The following ROBO2 variants were observed in gnomAD, a reference collection of about 807,000 sequenced individuals.
The protein encoded by ROBO2 is roundabout guidance receptor 2, also known as roundabout homolog 2.
ROBO2 carries 53 observed loss-of-function variants against 160.8 expected under a neutral mutation model. That is an observed-to-expected ratio of 0.33 (90% CI 0.26 to 0.41). ROBO2 has a LOEUF of 0.41. Ranked by LOEUF, ROBO2 falls within the 10% of genes least tolerant of loss-of-function variation. The pLI is 1.00. For missense variants in ROBO2, 1,577 were observed against 1,722.4 expected (o/e 0.92, Z 1.49); for synonymous variants, 664 against 611.7 (o/e 1.09, Z -1.26).
chr3:77,197,113 A>T (rs559089640), intron 2 of ROBO2, among the ~76,000 whole-genome samples: 2 of 152,334 alleles, frequency 1.3e-5, no homozygotes, highest in East Asian at 3.9e-4. Context: ...ATCATGAAAA[A>T]ATATTTCTGC....
chr3:75,958,901 T>C lies in ROBO2; in HGVS notation c.109+21299T>C, dbSNP rs542242840. 2.0e-5 allele frequency among the ~76,000 whole-genome samples: 3 copies of C among 151,900 alleles called. No homozygotes were observed. The South Asian group carries it at 6.2e-4, about 31-fold the overall frequency. On this transcript the variant is annotated intron_variant, in intron 2 of 26. Coordinates refer to the ROBO2 transcript ENST00000487694. The stretch of plus-strand genomic sequence containing the variant: ...CATTTTGTGATGCTTTTCCCTCTTA[T>C]AAAGTAAGGAGTATAGATGAGGTGA...
rs569402066 is a variant in ROBO2, at chr3:77,570,354, C to T, written c.1971+1920C>T. On this transcript the variant is annotated intron_variant, in intron 13 of 25. Coordinates refer to ENST00000461745, the Ensembl canonical transcript of ROBO2. Reference sequence around the variant, plus strand: ...CAGGAGGGGGACGTTGTCTATTCATCTCTGTACCCCAAGAAGCTATCATTA... The same window carrying T: ...CAGGAGGGGGACGTTGTCTATTCATTTCTGTACCCCAAGAAGCTATCATTA... 7.2e-5 allele frequency among the ~76,000 whole-genome samples: 11 copies of T among 152,072 alleles called. No individual in the cohort carries two copies. The East Asian group carries it at 2.1e-3, about 30-fold the overall frequency.
intron 2 of ROBO2, among the ~76,000 whole-genome samples, chr3:76,497,945 A>G (rs1476021499): frequency 1.3e-5 from 2 of 152,100 alleles, no homozygotes; most frequent in Non-Finnish European, 2.9e-5. Context: ...GCAATCACAT[A>G]AGCCAATGCT....
chr3:77,363,810 G>A lies in ROBO2; in HGVS notation c.389-113604G>A, dbSNP rs139562337. 3.8e-3 allele frequency among the ~76,000 whole-genome samples: 580 copies of A among 152,242 alleles called. 3 individuals are homozygous for A. Among genetic ancestry groups the A allele is most frequent in the Admixed American group, 6.3e-3 (96 of 15,286 alleles). ...GAAGTTTTATGACTTGCTGTGGGAA[G>A]AGAGGGATTCAAGTGTCTATGACCT... On this transcript the variant is annotated intron_variant, in intron 2 of 25. Transcript: ENST00000461745.
At chr3:77,330,751 T>A (rs1469623422) in intron 2 of ROBO2, among the ~76,000 whole-genome samples, 1 of 152,196 alleles carries the variant, frequency 6.6e-6, no homozygotes, top group Non-Finnish European at 1.5e-5. Context: ...GAAATGTGGG[T>A]TTTGATCTGA....
exon 14 of ROBO2, chr3:77,574,576 G>T (rs779396392): frequency 6.2e-7 from 1 of 1,613,428 alleles, no homozygotes; most frequent in South Asian, 1.1e-5. Flanking sequence ...CGACATCTTC[G>T]TGGCAGAATT....
At chr3:76,409,466 G>C (rs2075378225) in intron 2 of ROBO2, among the ~76,000 whole-genome samples, 1 of 151,904 alleles carries the variant, frequency 6.6e-6, no homozygotes, top group South Asian at 2.1e-4. Context: ...TTCCTTATCA[G>C]TTAACATATG....
chr3:77,136,035 G>A (rs886095894), intron 2 of ROBO2, among the ~76,000 whole-genome samples: 5 of 152,140 alleles, frequency 3.3e-5, no homozygotes, highest in African/African-American at 4.8e-5. Flanking sequence ...ATACAGCACA[G>A]TACATAGAGT....
At chr3:77,236,099 G>A (rs558899977) in intron 2 of ROBO2, among the ~76,000 whole-genome samples, 1 of 152,326 alleles carries the variant, frequency 6.6e-6, no homozygotes, top group African/African-American at 2.4e-5. Context: ...GCACTGTCTA[G>A]TTTTATACAT....
At chr3:76,085,006 G>A (rs567302239) in intron 2 of ROBO2, among the ~76,000 whole-genome samples, 2 of 152,102 alleles carry the variant, frequency 1.3e-5, no homozygotes, top group South Asian at 2.1e-4. Context: ...GCAACCTCAT[G>A]TAACACCTGT....
At chr3:77,029,417 T>G (rs2149543880) in intron 2 of ROBO2, among the ~76,000 whole-genome samples, 1 of 152,348 alleles carries the variant, frequency 6.6e-6, no homozygotes, top group East Asian at 1.9e-4. Context: ...CTAATTCTTC[T>G]ATTTTAAAAC....
intron 2 of ROBO2, among the ~76,000 whole-genome samples, chr3:76,452,755 C>T (rs2109294238): frequency 6.6e-6 from 1 of 152,334 alleles, no homozygotes; most frequent in South Asian, 2.1e-4. Flanking sequence ...GCCACACTGA[C>T]TTCCACAATG....
intron 2 of ROBO2, among the ~76,000 whole-genome samples, chr3:76,322,871 G>A (rs1456208078): frequency 2.0e-5 from 3 of 152,098 alleles, no homozygotes. Context: ...ACTTTATGGG[G>A]TAGCAGCTCA....
rs200602336 is a variant in ROBO2, at chr3:75,929,701, C to CTT, written c.-13-7770_-13-7769dup. 5.0e-4 allele frequency among the ~76,000 whole-genome samples: 73 copies of CTT among 147,122 alleles called. No homozygotes were observed. The East Asian group carries it at 6.8e-3, about 14-fold the overall frequency. On this transcript the variant is annotated intron_variant, in intron 1 of 26. Coordinates refer to the ROBO2 transcript ENST00000487694. ...AGACCTCCTTCCTGGGCACTCTTGT[C>CTT]TTTTTTTTTTTGAGATGGAGTCTTG...
chr3:76,083,654 A>G (rs1285069824), intron 2 of ROBO2, among the ~76,000 whole-genome samples: 1 of 152,116 alleles, frequency 6.6e-6, no homozygotes, highest in Non-Finnish European at 1.5e-5. Context: ...CAATTCCCTG[A>G]TAGAACCAGC....
intron 2 of ROBO2, among the ~76,000 whole-genome samples, chr3:76,529,915 A>G (rs2082136359): frequency 6.6e-6 from 1 of 152,132 alleles, no homozygotes; most frequent in South Asian, 2.1e-4. Flanking sequence ...TCCACTGTTG[A>G]TGTAACTGGT....
At chr3:76,397,434 A>C (rs1400762714) in intron 2 of ROBO2, among the ~76,000 whole-genome samples, 2 of 152,136 alleles carry the variant, frequency 1.3e-5, no homozygotes, top group African/African-American at 4.8e-5. Context: ...CATGTCTAAA[A>C]CACCAAAAGC....
intron 2 of ROBO2, among the ~76,000 whole-genome samples, chr3:76,869,356 T>TG (rs1261497057): frequency 2.9e-5 from 4 of 139,368 alleles, no homozygotes; most frequent in Non-Finnish European, 4.7e-5. Context: ...TTTTTTTTTT[T>TG]TTTTTTTTTT....
chr3:76,273,745 T>G (rs1576212590), intron 2 of ROBO2, among the ~76,000 whole-genome samples: 1 of 152,146 alleles, frequency 6.6e-6, no homozygotes, highest in Non-Finnish European at 1.5e-5. Flanking sequence ...TAACCGCCCC[T>G]GTGATTCAAT....
Sources: gnomAD v4.1 joint callset for allele counts (sites outside exome capture counted in the v4.1 genomes callset) on GRCh38, gnomAD v4.1.1 for gene constraint, MANE v1.5 for transcripts, NCBI Gene and HGNC (gene_info 2026-07-23, HGNC 2026-07-21) for gene names.